Variants in EIF3I observed in about 807,000 individuals in gnomAD.
EIF3I encodes TGF-beta receptor-interacting protein 1.
Under a neutral mutation model 43.3 loss-of-function variants are expected in EIF3I, and 20 were observed. That is an observed-to-expected ratio of 0.46 (90% confidence interval 0.32 to 0.67). The LOEUF (loss-of-function observed/expected upper bound fraction) is 0.67, where lower values mean the gene tolerates loss of function less well. EIF3I is among the 30% of genes least tolerant of loss of function. The probability of loss-of-function intolerance (pLI) is 0.03; values close to 1 mark genes in which losing one functional copy is unlikely to be tolerated. For synonymous variants in EIF3I, 167 were observed against 151.7 expected, an observed-to-expected ratio of 1.10 and a Z score of -0.74; for missense variants, 279 against 421.4, an observed-to-expected ratio of 0.66 and a Z score of 2.96.
chr1:32,231,207 C>A (rs545432591), exon 12 of EIF3I: 2 of 1,612,660 alleles, frequency 1.2e-6, no homozygotes, highest in Non-Finnish European at 8.5e-7. Flanking sequence ...GAAGCTGGAT[C>A]TCCTGCCGGG....
downstream of EIF3I, among the ~76,000 whole-genome samples, chr1:32,235,714 G>A (rs1201358060): frequency 2.0e-5 from 3 of 152,124 alleles, no homozygotes; most frequent in Non-Finnish European, 2.9e-5. Context: ...ATAGCCCTCT[G>A]GGGAAACACA....
chr1:32,226,343 G>C lies in EIF3I; in HGVS notation c.400+23G>C, dbSNP rs772972113. 1.9e-6 allele frequency: 3 copies of C among 1,614,038 alleles called. No homozygotes were observed. The South Asian group carries it at 3.3e-5, about 18-fold the overall frequency. ...TTGGTGAGGGCTGGGAATAGGGCTGGGGTTGAGGTAAAGGGTACAGTTCTA... is the reference window on the plus strand; with the variant it reads ...TTGGTGAGGGCTGGGAATAGGGCTGCGGTTGAGGTAAAGGGTACAGTTCTA... On this transcript the variant is annotated intron_variant, in intron 5 of 11. Transcript: ENST00000676679.
chr1:32,235,331 A>G (rs1639285141), downstream of EIF3I: 1 of 152,266 alleles, frequency 6.6e-6, no homozygotes, highest in African/African-American at 2.4e-5. Context: ...TGTCCATGAA[A>G]TGGTTTTTTT....
intron 10 of EIF3I, among the ~76,000 whole-genome samples, chr1:32,230,381 A>G (rs761130221): frequency 7.9e-5 from 12 of 151,738 alleles, no homozygotes; most frequent in Non-Finnish European, 1.6e-4. Flanking sequence ...TTACAGGTAC[A>G]TGGCCACCGT....
At chr1:32,232,747 A>G (rs1488934208), downstream of EIF3I, among the ~76,000 whole-genome samples, 4 of 152,176 alleles carry the variant, frequency 2.6e-5, no homozygotes, top group Non-Finnish European at 5.9e-5. Flanking sequence ...AGAAAGACTA[A>G]AGATGAAGGA....
At chr1:32,225,383 T>C (rs1180346701) in intron 4 of EIF3I, among the ~76,000 whole-genome samples, 1 of 152,212 alleles carries the variant, frequency 6.6e-6, no homozygotes, top group African/African-American at 2.4e-5. Context: ...GAGACAGATA[T>C]ATTGCAGTCT....
downstream of EIF3I, among the ~76,000 whole-genome samples, chr1:32,233,181 G>A (rs571476011): frequency 7.9e-5 from 12 of 151,730 alleles, no homozygotes; most frequent in African/African-American, 2.4e-4. Flanking sequence ...TTGAGATGGA[G>A]TCTTGCTCTG....
In EIF3I at chr1:32,228,766, C is replaced by G. The variant is rs759750490; in HGVS notation, c.679C>G (p.Arg227Gly). ...AACTCTTGAACATCAGAAGACTTTC[C>G]GGACAGAACGTCCTGTCAACTCAGC... Residue 227 changes from arginine (R) to glycine (G), a missense_variant, in exon 8 of 12, where the codon CGG becomes GGG. Coordinates refer to ENST00000676679, the Ensembl canonical transcript of EIF3I. 8.1e-6 allele frequency: 13 copies of G among 1,614,150 alleles called. No homozygotes were observed. The South Asian group carries it at 1.4e-4, about 18-fold the overall frequency.
intron 2 of EIF3I, 150 bp downstream of exon 2, chr1:32,222,780 G>A (rs1639043510): frequency 1.3e-6 from 1 of 767,220 alleles, no homozygotes; most frequent in South Asian, 1.6e-5. Context: ...GTTGGCGAAA[G>A]TATTCTACCG....
chr1:32,232,314 C>T (rs938448949), downstream of EIF3I: 3 of 152,198 alleles, frequency 2.0e-5, no homozygotes, highest in Admixed American at 6.6e-5. Flanking sequence ...CTTTTTCTTG[C>T]AAACATTATT....
At chr1:32,222,903 C>T (rs867757091) in intron 2 of EIF3I, among the ~76,000 whole-genome samples, 1 of 152,008 alleles carries the variant, frequency 6.6e-6, no homozygotes, top group African/African-American at 2.4e-5. Flanking sequence ...TGGAGACCAG[C>T]CTGAGCAACG....
intron 9 of EIF3I, among the ~76,000 whole-genome samples, chr1:32,229,540 G>T (rs918704869): frequency 4.1e-5 from 6 of 145,834 alleles, no homozygotes; most frequent in South Asian, 2.1e-4. Context: ...GAGCCACCGT[G>T]CCCAGCCTTT....
At chr1:32,224,117 T>A in exon 3 of EIF3I, 3 of 1,614,150 alleles carry the variant, frequency 1.9e-6, no homozygotes, top group Non-Finnish European at 2.5e-6. Flanking sequence ...GTGTGGACGC[T>A]GACTGTATCC....
At chr1:32,229,244 C>T (rs1420444159) in intron 9 of EIF3I, 36 bp downstream of exon 9, 1 of 1,600,594 alleles carries the variant, frequency 6.2e-7, no homozygotes, top group East Asian at 2.2e-5. Context: ...ATTAAAATCT[C>T]ATGTGGTGTA....
rs1639149484 is a variant in EIF3I, at chr1:32,226,541, A to T, written c.528+11A>T. The T allele has an allele frequency of 6.6e-7, 1 of 1,511,022 alleles. No homozygotes were observed. The highest frequency in any genetic ancestry group is 8.8e-7 in the Non-Finnish European group (1 of 1,135,400). The allele number at this position is 1,511,022 out of a possible 1,614,324, so 93.6% of individuals were successfully genotyped here. A position where few individuals can be genotyped will look rare whatever the true frequency, so the allele number is the denominator to read the frequency against. ...CAGTATAGTGCCAAGGTAAGAGGCC[A>T]CATGGGGCCTGAGCCTACCAGAATA... is the stretch of plus-strand genomic sequence containing the variant. On this transcript the variant is annotated intron_variant, in intron 6 of 11. Transcript: ENST00000676679.
chr1:32,226,001 C>T, intron 4 of EIF3I, 170 bp from the exon 5 acceptor site: 1 of 838,514 alleles, frequency 1.2e-6, no homozygotes, highest in Non-Finnish European at 1.7e-6. Flanking sequence ...CCAGCCTGGG[C>T]AACAGAGTGA....
exon 1 of EIF3I, chr1:32,222,424 C>T (rs1639024261): frequency 6.3e-7 from 1 of 1,594,292 alleles, no homozygotes; most frequent in South Asian, 1.1e-5. Context: ...TTGCGGCCTT[C>T]CTCGCGTCAC....
chr1:32,236,105 T>C (rs1442750809), downstream of EIF3I, among the ~76,000 whole-genome samples: 1 of 152,260 alleles, frequency 6.6e-6, no homozygotes, highest in Non-Finnish European at 1.5e-5. Flanking sequence ...CAGTTACCCA[T>C]GGTCAACTGT....
chr1:32,231,277 G>T, exon 12 of EIF3I: 1 of 1,338,560 alleles, frequency 7.5e-7, no homozygotes, highest in South Asian at 1.2e-5. Context: ...GATCACCTGA[G>T]GTCAGGAGTT....
Sources: gnomAD v4.1 joint callset for allele counts (sites outside exome capture counted in the v4.1 genomes callset) on GRCh38, gnomAD v4.1.1 for gene constraint, MANE v1.5 for transcripts, NCBI Gene and HGNC (gene_info 2026-07-23, HGNC 2026-07-21) for gene names.